CDK14: variants seen among roughly 807,000 people sequenced by gnomAD.
CDK14 encodes cyclin-dependent kinase 14.
A neutral mutation model predicts 60.7 loss-of-function variants in CDK14; 34 were observed. The ratio of observed to expected loss-of-function variants is 0.56; its 90% CI spans 0.43 to 0.75. The LOEUF is 0.75. Ranked by LOEUF, CDK14 falls within the 30% of genes least tolerant of loss-of-function variation. CDK14 has a pLI of 0.00. For missense variants in CDK14, 482 were observed against 564.1 expected (o/e 0.85, Z 1.47); for synonymous variants, 197 against 203.7 (o/e 0.97, Z 0.28).
chr7:90,817,146 C>A (rs1789385103), intron 5 of CDK14, among the ~76,000 whole-genome samples: 1 of 152,058 alleles, frequency 6.6e-6, no homozygotes, highest in Non-Finnish European at 1.5e-5. Flanking sequence ...CAAATAATTC[C>A]TATTTTAATT....
chr7:90,673,790 C>T (rs1801146018), intron 2 of CDK14, among the ~76,000 whole-genome samples: 1 of 152,182 alleles, frequency 6.6e-6, no homozygotes, highest in African/African-American at 2.4e-5. Context: ...ACTTTGCTTT[C>T]ATAGTTACTG....
At position 90,720,030 on chromosome 7, in the gene CDK14, C is replaced by T. The variant is rs1584819643; in HGVS notation, c.124-6537C>T. Reference sequence around the variant, plus strand: ...ACCTGTGGAAGTTCCTTATTTTCCACGAGTTAATGAACAAATCTTTACTGG... The same window carrying T: ...ACCTGTGGAAGTTCCTTATTTTCCATGAGTTAATGAACAAATCTTTACTGG... On this transcript the variant is annotated intron_variant, in intron 2 of 14. Transcript: ENST00000380050. Among the ~76,000 whole-genome samples the T allele has an allele frequency of 2.0e-5, 3 of 152,174 alleles. No individual in the cohort carries two copies. In the East Asian group the frequency reaches 5.8e-4, roughly 29 times the overall value.
intron 5 of CDK14, among the ~76,000 whole-genome samples, chr7:90,812,630 A>G (rs1789179421): frequency 6.6e-6 from 1 of 152,230 alleles, no homozygotes; most frequent in Admixed American, 6.5e-5. Flanking sequence ...TAATAAAAAA[A>G]GAAATATATG....
intron 2 of CDK14, chr7:90,710,659 C>A: frequency 5.5e-6 from 3 of 541,740 alleles, no homozygotes; most frequent in Non-Finnish European, 7.1e-6. Context: ...GAAGTGCCAG[C>A]TCTAATAGTA....
At chr7:91,009,576 C>A (rs1030333636) in intron 10 of CDK14, among the ~76,000 whole-genome samples, 2 of 152,114 alleles carry the variant, frequency 1.3e-5, no homozygotes, top group Admixed American at 1.3e-4. Context: ...TTTTAATTTG[C>A]ATTTCTCTAA....
At chr7:91,000,527 G>A (rs550243165) in intron 10 of CDK14, among the ~76,000 whole-genome samples, 2 of 152,324 alleles carry the variant, frequency 1.3e-5, no homozygotes, top group East Asian at 1.9e-4. Flanking sequence ...GGATATAGCC[G>A]AGATTCGTGT....
At chr7:90,605,609 A>G (rs567351967) in intron 2 of CDK14, among the ~76,000 whole-genome samples, 5 of 152,202 alleles carry the variant, frequency 3.3e-5, no homozygotes, top group African/African-American at 1.2e-4. Flanking sequence ...CTTTGTAAAG[A>G]AAGTTTCCCC....
At chr7:90,644,183 C>T (rs1013806553) in intron 2 of CDK14, among the ~76,000 whole-genome samples, 1 of 152,206 alleles carries the variant, frequency 6.6e-6, no homozygotes, top group African/African-American at 2.4e-5. Flanking sequence ...CCTGCTGGAC[C>T]TTGATCTTGG....
At chr7:91,155,930 A>C (rs1258492491) in intron 14 of CDK14, among the ~76,000 whole-genome samples, 1 of 152,218 alleles carries the variant, frequency 6.6e-6, no homozygotes, top group Non-Finnish European at 1.5e-5. Flanking sequence ...TTTGACCCCT[A>C]ATTCACTTGC....
chr7:91,198,232 A>G (rs1802611596), intron 14 of CDK14, among the ~76,000 whole-genome samples: 1 of 152,206 alleles, frequency 6.6e-6, no homozygotes, highest in African/African-American at 2.4e-5. Context: ...GCAGAATACT[A>G]CAGTAAAAGT....
chr7:90,820,823 A>G (rs889381992), intron 5 of CDK14, among the ~76,000 whole-genome samples: 1 of 152,146 alleles, frequency 6.6e-6, no homozygotes, highest in East Asian at 1.9e-4. Flanking sequence ...CCAACTAAAC[A>G]TGACCAAGCT....
intron 4 of CDK14, among the ~76,000 whole-genome samples, chr7:90,773,749 C>T (rs1226855772): frequency 6.6e-6 from 1 of 151,996 alleles, no homozygotes; most frequent in Non-Finnish European, 1.5e-5. Flanking sequence ...CAAAATCAGG[C>T]TGATTTGTAC....
In CDK14 at chr7:90,917,604, T is replaced by C; in HGVS notation, c.706T>C (p.Phe236Leu). 6.2e-7 allele frequency: 1 copy of C among 1,612,058 alleles called. No homozygotes were observed. Among genetic ancestry groups the C allele is most frequent in the African/African-American group, 1.3e-5 (1 of 75,004 alleles). The change falls in exon 8 of 15, where the codon TTT (phenylalanine) becomes CTT (leucine). Residue 236 changes from phenylalanine to leucine, a missense_variant. Transcript: ENST00000380050. Reference sequence around the variant, plus strand: ...CCTTTGTCTCCTTATTTTTCAGTTGTTTTTATTTCAGTTGCTGCGAGGTCT... The same window carrying C: ...CCTTTGTCTCCTTATTTTTCAGTTGCTTTTATTTCAGTTGCTGCGAGGTCT... ...GGLHPDNVKL[F>L]LFQLLRGLSY...
chr7:90,824,350 G>T (rs1789649544), intron 5 of CDK14, among the ~76,000 whole-genome samples: 1 of 152,184 alleles, frequency 6.6e-6, no homozygotes, highest in African/African-American at 2.4e-5. Flanking sequence ...TTAGTGGAAT[G>T]GGGCAGGTGT....
chr7:90,620,221 A>G (rs1799737751), intron 2 of CDK14, among the ~76,000 whole-genome samples: 1 of 152,240 alleles, frequency 6.6e-6, no homozygotes, highest in Non-Finnish European at 1.5e-5. Flanking sequence ...CAGACAAGCC[A>G]CAGGAATTAT....
chr7:90,738,351 A>G (rs750178681), intron 3 of CDK14, among the ~76,000 whole-genome samples: 12 of 152,212 alleles, frequency 7.9e-5, no homozygotes, highest in Non-Finnish European at 1.6e-4. Context: ...AAGGTCTGAT[A>G]CATAATTACT....
At chr7:90,939,429 A>C (rs1793849284) in intron 8 of CDK14, among the ~76,000 whole-genome samples, 1 of 152,220 alleles carries the variant, frequency 6.6e-6, no homozygotes, top group East Asian at 1.9e-4. Context: ...CTTGGTCCTA[A>C]AAAATACAGC....
chr7:91,177,489 G>C (rs1169361885), intron 14 of CDK14, among the ~76,000 whole-genome samples: 1 of 151,858 alleles, frequency 6.6e-6, no homozygotes, highest in Admixed American at 6.6e-5. Flanking sequence ...GAAATAAAGG[G>C]TATTCAATTA....
At chr7:90,627,389 T>G (rs956702353) in intron 2 of CDK14, among the ~76,000 whole-genome samples, 1 of 152,110 alleles carries the variant, frequency 6.6e-6, no homozygotes, top group Non-Finnish European at 1.5e-5. Context: ...TTTAAAAATT[T>G]TTTGTAGAGA....
Sources: allele counts gnomAD v4.1 joint callset (sites outside exome capture counted in the v4.1 genomes callset), GRCh38; gene constraint gnomAD v4.1.1; transcripts MANE v1.5; gene names NCBI Gene and HGNC (gene_info 2026-07-23, HGNC 2026-07-21).